PUDP: variants seen among roughly 807,000 people sequenced by gnomAD.
PUDP encodes pseudouridine-5'-phosphatase.
In PUDP, 8 loss-of-function variants were observed where a neutral mutation model predicts 9.4. That is an observed-to-expected ratio of 0.85 (90% CI 0.50 to 1.53). PUDP has a LOEUF of 1.53. Among genes scored for constraint, PUDP ranks in the 40% most tolerant of loss-of-function variants. The pLI is 0.00. For missense variants in PUDP, 188 were observed against 189.7 expected (o/e 0.99, Z 0.05); for synonymous variants, 99 against 80.7 (o/e 1.23, Z -1.22).
At chrX:6,793,939 T>C (rs1419841836) in intron 3 of PUDP, among the ~76,000 whole-genome samples, 1 of 111,571 alleles carries the variant, frequency 9.0e-6, no homozygotes, top group African/African-American at 3.3e-5. Flanking sequence ...CTCCTTCTCC[T>C]GATTTCCTAC....
intron 2 of PUDP, among the ~76,000 whole-genome samples, chrX:7,090,224 T>TAC (rs1311253688): frequency 9.0e-6 from 1 of 111,029 alleles, no homozygotes; most frequent in African/African-American, 3.3e-5. Flanking sequence ...ATATTATATA[T>TAC]ACTATATAAT....
At chrX:6,821,411 C>T (rs915921018) in intron 3 of PUDP, among the ~76,000 whole-genome samples, 5 of 111,087 alleles carry the variant, frequency 4.5e-5, no homozygotes, top group South Asian at 3.9e-4. Flanking sequence ...GCTTGGAAAG[C>T]GTGTGAGTTT....
intron 3 of PUDP, among the ~76,000 whole-genome samples, chrX:6,809,118 A>T (rs1926099789): frequency 9.1e-6 from 1 of 109,772 alleles, no homozygotes; most frequent in Non-Finnish European, 1.9e-5. Context: ...CTCCTTCCCT[A>T]CTCTCAAGCT....
At chrX:6,926,997 G>A (rs548809384) in intron 3 of PUDP, among the ~76,000 whole-genome samples, 5 of 97,424 alleles carry the variant, frequency 5.1e-5, no homozygotes, top group Non-Finnish European at 8.0e-5. Flanking sequence ...GCACAATCAC[G>A]GGTCACTACA....
intron 3 of PUDP, among the ~76,000 whole-genome samples, chrX:6,841,661 G>A (rs1926672993): frequency 8.9e-6 from 1 of 112,030 alleles, no homozygotes; most frequent in African/African-American, 3.2e-5. Flanking sequence ...TTTAATGTAA[G>A]TTCAATGAAC....
intron 3 of PUDP, among the ~76,000 whole-genome samples, chrX:6,832,725 G>T (rs1926522070): frequency 8.9e-6 from 1 of 111,930 alleles, no homozygotes; most frequent in Non-Finnish European, 1.9e-5. Context: ...CCAGAAGCCA[G>T]GATACACTCC....
chrX:6,724,296 C>A (rs1924713010), upstream of PUDP, among the ~76,000 whole-genome samples: 1 of 110,635 alleles, frequency 9.0e-6, no homozygotes, highest in Non-Finnish European at 1.9e-5. Context: ...AATTCAAACC[C>A]TGAAAGGTCA....
At chrX:7,031,839 G>A (rs1046096595) in intron 1 of PUDP, among the ~76,000 whole-genome samples, 1 of 111,860 alleles carries the variant, frequency 8.9e-6, no homozygotes, top group Non-Finnish European at 1.9e-5. Context: ...CTAAAATTGC[G>A]AAGCTTTTAC....
intron 3 of PUDP, among the ~76,000 whole-genome samples, chrX:6,845,931 C>T (rs1032616561): frequency 1.8e-5 from 2 of 111,423 alleles, no homozygotes; most frequent in Non-Finnish European, 3.8e-5. Context: ...CAATCTGCAA[C>T]GAGTTAAGTA....
At chrX:7,075,404 G>T (rs1930863910) in intron 3 of PUDP, among the ~76,000 whole-genome samples, 1 of 111,518 alleles carries the variant, frequency 9.0e-6, no homozygotes, top group African/African-American at 3.3e-5. Context: ...ACTCAGGAGG[G>T]TGAGGCAGGA....
At chrX:6,860,909 G>A (rs1055717209) in intron 3 of PUDP, among the ~76,000 whole-genome samples, 2 of 112,340 alleles carry the variant, frequency 1.8e-5, no homozygotes, top group Non-Finnish European at 3.8e-5. Context: ...ACCCTTGGAA[G>A]AGAAATAAGT....
At chrX:6,850,375 C>A (rs751935108) in intron 3 of PUDP, among the ~76,000 whole-genome samples, 1 of 112,138 alleles carries the variant, frequency 8.9e-6, no homozygotes, top group African/African-American at 3.2e-5. Context: ...GTTGGAGACA[C>A]GGGTGGTGGT....
intron 3 of PUDP, among the ~76,000 whole-genome samples, chrX:6,793,886 A>G (rs182851445): frequency 1.8e-3 from 205 of 111,950 alleles, no homozygotes; most frequent in Non-Finnish European, 3.1e-3. Context: ...GACGTTAAAT[A>G]TATCATTTGA....
chrX:7,061,609 T>C (rs1412699175), intron 3 of PUDP, among the ~76,000 whole-genome samples: 1 of 78,942 alleles, frequency 1.3e-5, no homozygotes, highest in African/African-American at 5.2e-5. Flanking sequence ...GCCTGGAAGA[T>C]CACAAATGAA....
chrX:6,987,616 G>C, intron 1 of PUDP, among the ~76,000 whole-genome samples: 2 of 111,950 alleles, frequency 1.8e-5, no homozygotes, highest in South Asian at 7.7e-4. Flanking sequence ...TATGCTCATG[G>C]GCCAAATGTG....
intron 3 of PUDP, among the ~76,000 whole-genome samples, chrX:6,820,142 A>G (rs1397962820): frequency 2.7e-5 from 3 of 110,044 alleles, no homozygotes; most frequent in African/African-American, 6.6e-5. Flanking sequence ...GACGTAAGCA[A>G]AAGTAGAAAC....
At chrX:7,004,174 C>T (rs1259889477) in intron 1 of PUDP, among the ~76,000 whole-genome samples, 1 of 111,623 alleles carries the variant, frequency 9.0e-6, no homozygotes, top group Non-Finnish European at 1.9e-5. Context: ...CTGCTCCTGC[C>T]GGTTTCATGC....
chrX:7,138,074 G>C (rs1932767011), intron 1 of PUDP, among the ~76,000 whole-genome samples: 1 of 112,053 alleles, frequency 8.9e-6, no homozygotes, highest in African/African-American at 3.2e-5. Context: ...CATTATTCTT[G>C]CCAGAGGCAG....
intron 3 of PUDP, among the ~76,000 whole-genome samples, chrX:6,754,295 C>G (rs962758537): frequency 9.0e-6 from 1 of 111,282 alleles, no homozygotes; most frequent in Non-Finnish European, 1.9e-5. Context: ...CTTCTCTTGT[C>G]TGCTGCCTTG....
Sources: allele counts gnomAD v4.1 joint callset (sites outside exome capture counted in the v4.1 genomes callset), GRCh38; gene constraint gnomAD v4.1.1; transcripts MANE v1.5; gene names NCBI Gene and HGNC (gene_info 2026-07-23, HGNC 2026-07-21).